Variants in ZNF592 observed in about 807,000 individuals in gnomAD.
ZNF592 encodes spinocerebellar ataxia, autosomal recessive 5.
A neutral mutation model predicts 80.3 loss-of-function variants in ZNF592; 11 were observed. That is an observed-to-expected ratio of 0.14 (90% CI 0.09 to 0.23). The LOEUF (loss-of-function observed/expected upper bound fraction) is 0.23, where lower values mean the gene tolerates loss of function less well. Among genes scored for constraint, ZNF592 ranks in the 10% least tolerant of loss-of-function variants. The pLI is 1.00. For missense variants in ZNF592, 1,420 were observed against 1,633.9 expected (o/e 0.87, Z 2.26); for synonymous variants, 646 against 640.3 (o/e 1.01, Z -0.13).
At chr15:84,753,110 A>T (rs1345317687) in intron 1 of ZNF592, 1 of 152,252 alleles carries the variant, frequency 6.6e-6, no homozygotes, top group Non-Finnish European at 1.5e-5. Context: ...AATTGATAGA[A>T]TGAATAATTC....
rs766955617 is a variant in ZNF592 at position 84,790,712 on chromosome 15, A to G, written c.2228A>G (p.Gln743Arg). The G allele has an allele frequency of 1.9e-5, 30 of 1,614,068 alleles. No homozygotes were observed. Among genetic ancestry groups the G allele is most frequent in the Non-Finnish European group, 2.5e-5 (29 of 1,180,048 alleles). ...TTEETEGLTCQVCQMLLPNQC... is the reference protein window; with the variant it reads ...TTEETEGLTCRVCQMLLPNQC... The stretch of plus-strand genomic sequence containing the variant: ...CTTGGTGTTCTTTCCTAGACCTGCC[A>G]GGTATGCCAAATGCTGCTGCCCAAC... The change falls in exon 5 of 11, where the codon CAG becomes CGG. Residue 743 changes from glutamine (Q) to arginine (R), a missense_variant. By Grantham distance (43) the Gln-to-Arg change is conservative. This residue lies in a region of ZNF592 where 524 missense variants were observed against 628.3 expected (regional missense o/e 0.83). Coordinates refer to ENST00000560079, the MANE Select transcript of ZNF592 (RefSeq NM_014630.3).
At chr15:84,772,704 C>T (rs1191691687) in intron 2 of ZNF592, among the ~76,000 whole-genome samples, 1 of 152,192 alleles carries the variant, frequency 6.6e-6, no homozygotes, top group East Asian at 1.9e-4. Flanking sequence ...CCTTCCAGTC[C>T]TAATACAACG....
chr15:84,788,626 GTGTTAA>G (rs1439338101), intron 4 of ZNF592, among the ~76,000 whole-genome samples: 4 of 152,246 alleles, frequency 2.6e-5, no homozygotes, highest in East Asian at 1.9e-4. Flanking sequence ...CAGTTCAGTA[GTGTTAA>G]TGTTAAGTAT....
intron 2 of ZNF592, 52 bp from the exon 3 acceptor site, chr15:84,778,131 A>G (rs1168341304): frequency 6.5e-6 from 1 of 152,840 alleles, no homozygotes; most frequent in Admixed American, 6.5e-5. Context: ...TGGGTTGCTT[A>G]TATTTTACTT....
At chr15:84,773,457 C>T (rs985992783) in intron 2 of ZNF592, among the ~76,000 whole-genome samples, 5 of 151,928 alleles carry the variant, frequency 3.3e-5, no homozygotes, top group African/African-American at 9.7e-5. Flanking sequence ...GTGATCCACC[C>T]GCCTCGACCT....
chr15:84,773,340 T>C (rs1181100162), intron 2 of ZNF592, among the ~76,000 whole-genome samples: 5 of 151,758 alleles, frequency 3.3e-5, no homozygotes, highest in African/African-American at 1.2e-4. Flanking sequence ...GCCTCCCGAG[T>C]AGCTGGGATT....
At chr15:84,777,107 T>C (rs1962275880) in intron 2 of ZNF592, among the ~76,000 whole-genome samples, 1 of 152,018 alleles carries the variant, frequency 6.6e-6, no homozygotes. Flanking sequence ...TCCTTAAATT[T>C]TTTGGCCTGC....
chr15:84,761,428 A>G (rs1031432921), intron 1 of ZNF592, among the ~76,000 whole-genome samples: 1 of 152,242 alleles, frequency 6.6e-6, no homozygotes, highest in Non-Finnish European at 1.5e-5. Context: ...AGATGACATC[A>G]GTGAGACTTG....
At chr15:84,755,298 A>AT (rs962649070) in intron 1 of ZNF592, among the ~76,000 whole-genome samples, 7 of 150,594 alleles carry the variant, frequency 4.6e-5, no homozygotes, top group African/African-American at 7.3e-5. Flanking sequence ...GTTTTTTTTA[A>AT]TTTTTTTTTA....
At chr15:84,789,718 C>A (rs990932131) in intron 4 of ZNF592, among the ~76,000 whole-genome samples, 1 of 152,110 alleles carries the variant, frequency 6.6e-6, no homozygotes, top group Non-Finnish European at 1.5e-5. Context: ...TTCAGTCATT[C>A]TTTTTAATGC....
rs370322863 is a variant in ZNF592 at position 84,775,759 on chromosome 15, AT to A, written c.-149-2422del. ...CATATTGTTTTTATACCCTCAAATA[AT>A]TCCAATAGGGTGATTCGGCATGCTG... On this transcript the variant is annotated intron_variant, in intron 2 of 10. Coordinates refer to ENST00000560079, the MANE Select transcript of ZNF592 (RefSeq NM_014630.3). Among the ~76,000 whole-genome samples, 12 of 152,266 alleles carry A rather than the reference AT, an allele frequency of 7.9e-5. No individual in the cohort carries two copies. The Middle Eastern group carries it at 0.017, about 216-fold the overall frequency.
At chr15:84,794,138 G>A (rs988329677) in intron 5 of ZNF592, among the ~76,000 whole-genome samples, 8 of 152,156 alleles carry the variant, frequency 5.3e-5, no homozygotes, top group African/African-American at 1.9e-4. Flanking sequence ...AATACCTAAT[G>A]TAGAAGACGG....
intron 4 of ZNF592, among the ~76,000 whole-genome samples, chr15:84,788,878 T>A (rs535413066): frequency 1.3e-5 from 2 of 152,148 alleles, no homozygotes; most frequent in South Asian, 4.2e-4. Context: ...ATTTAGCATG[T>A]CCTCAAGATT....
rs757033252 is a variant in ZNF592, at chr15:84,798,781, G to A, written c.2930G>A (p.Arg977Gln). 79 of 1,603,932 alleles carry A rather than the reference G, an allele frequency of 4.9e-5. No homozygotes were observed. Among genetic ancestry groups the A allele is most frequent in the Non-Finnish European group, 5.8e-5 (68 of 1,179,694 alleles). ...CACCGCAGGGTGGAAGCCAGGCCGC[G>A]GCTGAGGAACACTGGCTGGACCTGC... ...EAHRRVEARP[R>Q]LRNTGWTCQE... Residue 977 changes from arginine to glutamine, a missense_variant, in exon 8 of 11, where the codon CGG becomes CAG. Coordinates refer to ENST00000560079, the MANE Select transcript of ZNF592 (RefSeq NM_014630.3). This position sits in a 1 kb window ranked among gnomAD's most constrained non-coding sequence, Gnocchi z 4.5.
At chr15:84,792,261 G>T (rs1482728344) in intron 5 of ZNF592, among the ~76,000 whole-genome samples, 1 of 151,864 alleles carries the variant, frequency 6.6e-6, no homozygotes, top group South Asian at 2.1e-4. Flanking sequence ...CAGAGGCGAG[G>T]CTAGGCCATG....
At chr15:84,793,702 C>T (rs771757980) in intron 5 of ZNF592, among the ~76,000 whole-genome samples, 6 of 152,196 alleles carry the variant, frequency 3.9e-5, no homozygotes, top group South Asian at 2.1e-4. Context: ...TTTCTTCCCC[C>T]CTAGCCCTAG....
At chr15:84,768,615 C>G (rs1429685914) in intron 2 of ZNF592, among the ~76,000 whole-genome samples, 1 of 152,118 alleles carries the variant, frequency 6.6e-6, no homozygotes, top group African/African-American at 2.4e-5. Flanking sequence ...CTAGCCTTTT[C>G]TTTCCTCTGG....
chr15:84,790,957 G>C, intron 5 of ZNF592, 74 bp downstream of exon 5: 1 of 1,593,314 alleles, frequency 6.3e-7, no homozygotes, highest in Non-Finnish European at 8.6e-7. Context: ...ACTCATTTCA[G>C]ATAGTTTTGG....
rs575340829 is a variant in ZNF592, at chr15:84,802,739, G to A, written c.*346G>A. The A allele has an allele frequency of 1.5e-5, 5 of 333,828 alleles. No homozygotes were observed. The highest frequency in any genetic ancestry group is 8.4e-5 in the Admixed American group (2 of 23,840). 20.7% of individuals were successfully genotyped at this position (333,828 alleles called of 1,614,324 possible). A position where few individuals can be genotyped will look rare whatever the true frequency, so the allele number is the denominator to read the frequency against. ...ACCCCACAGCGGCTGTGCTCTTCTG[G>A]GAGGTTCCCGCTTGCTGCCTTCAGC... On this transcript the variant is annotated 3_prime_UTR_variant, in exon 11 of 11. Coordinates refer to ENST00000560079, the MANE Select transcript of ZNF592 (RefSeq NM_014630.3).
Sources: gnomAD v4.1 joint callset for allele counts (sites outside exome capture counted in the v4.1 genomes callset) on GRCh38, gnomAD v4.1.1 for gene constraint, gnomAD v4.1.1 regional missense constraint, Gnocchi (gnomAD v3.1) non-coding constraint, MANE v1.5 for transcripts, NCBI Gene and HGNC (gene_info 2026-07-23, HGNC 2026-07-21) for gene names.